The following HERC4 variants were observed in gnomAD, a reference collection of about 807,000 sequenced individuals.
HERC4 encodes HECT and RLD domain containing E3 ubiquitin protein ligase 4, also known as probable E3 ubiquitin-protein ligase HERC4.
Under a neutral mutation model 124.3 loss-of-function variants are expected in HERC4, and 28 were observed. The observed-to-expected ratio is 0.23, with a 90% CI of 0.17 to 0.31. HERC4 has a LOEUF of 0.31. HERC4 is among the 10% of genes least tolerant of loss of function. The pLI, the probability that HERC4 is intolerant of heterozygous loss-of-function variation, is 1.00. For missense variants in HERC4, 713 were observed against 1,229.3 expected (o/e 0.58, Z 6.28); for synonymous variants, 407 against 421.5 (o/e 0.97, Z 0.42).
chr10:67,934,339 AAAAG>A (rs1337629297), intron 22 of HERC4, among the ~76,000 whole-genome samples: 3 of 152,202 alleles, frequency 2.0e-5, no homozygotes, highest in Non-Finnish European at 4.4e-5. Context: ...CAACTTCTCC[AAAAG>A]AAATATCCAT....
intron 16 of HERC4, among the ~76,000 whole-genome samples, chr10:67,964,091 A>ATTT (rs11327388): frequency 0.013 from 1,719 of 129,186 alleles, 41 homozygotes; most frequent in Middle Eastern, 0.021. Context: ...CTACCACTCC[A>ATTT]TTTTTTTTTT....
At position 68,012,322 on chromosome 10, in the gene HERC4, A is replaced by G. The variant is rs554947753; in HGVS notation, c.1069+1704T>C. ...AACTGGCACAAGAAGCCTTGCTTTC[A>G]GCCTGTCTGGGCTTTTGATATGCCT... On this transcript the variant is annotated intron_variant, in intron 9 of 24. Transcript: ENST00000373700. Among the ~76,000 whole-genome samples the G allele has an allele frequency of 4.6e-5, 7 of 152,368 alleles. No homozygotes were observed. In the East Asian group the frequency reaches 1.3e-3, roughly 29 times the overall value.
chr10:67,941,669 CTT>C lies in HERC4; in HGVS notation c.2338-566_2338-565del, dbSNP rs755666986. The stretch of plus-strand genomic sequence containing the variant: ...CACTAAATGTTCTTCTAAAACACAA[CTT>C]TTTTTTTTTTTTTTTTTTTTTTTTT... On this transcript the variant is annotated intron_variant, in intron 19 of 24. Transcript: ENST00000373700. Among the ~76,000 whole-genome samples, 576 of 91,656 alleles carry C rather than the reference CTT, an allele frequency of 6.3e-3. 1 individual carries two copies. The highest frequency in any genetic ancestry group is 0.021 in the African/African-American group (531 of 24,744). 60.1% of individuals were successfully genotyped at this position (91,656 alleles called of 152,430 possible). A position where few individuals can be genotyped will look rare whatever the true frequency, so the allele number is the denominator to read the frequency against.
intron 3 of HERC4, among the ~76,000 whole-genome samples, chr10:68,045,633 C>T (rs996465685): frequency 6.6e-6 from 1 of 152,198 alleles, no homozygotes; most frequent in African/African-American, 2.4e-5. Flanking sequence ...ATTTGTTTCT[C>T]TTAGTCCTCA....
intron 23 of HERC4, among the ~76,000 whole-genome samples, chr10:67,929,064 A>G (rs889700878): frequency 8.6e-5 from 13 of 151,804 alleles, no homozygotes; most frequent in African/African-American, 3.1e-4. Flanking sequence ...TTGCATTTTT[A>G]TTTTTTGGTA....
chr10:68,071,989 G>C (rs1009998314), intron 3 of HERC4, among the ~76,000 whole-genome samples: 2 of 152,110 alleles, frequency 1.3e-5, no homozygotes, highest in Admixed American at 6.6e-5. Flanking sequence ...CTCAAAAGCT[G>C]AGTAACAACA....
intron 9 of HERC4, among the ~76,000 whole-genome samples, chr10:68,000,933 A>G (rs2037193405): frequency 6.6e-6 from 1 of 152,204 alleles, no homozygotes; most frequent in Non-Finnish European, 1.5e-5. Flanking sequence ...CAAGCCACCG[A>G]GTTTGTGGTA....
intron 8 of HERC4, among the ~76,000 whole-genome samples, chr10:68,021,383 C>G (rs1299259714): frequency 6.6e-6 from 1 of 152,066 alleles, no homozygotes; most frequent in African/African-American, 2.4e-5. Context: ...GAGGAAAAGA[C>G]ACACACAATC....
chr10:68,063,698 G>T (rs2041150149), intron 3 of HERC4, among the ~76,000 whole-genome samples: 1 of 152,336 alleles, frequency 6.6e-6, no homozygotes, highest in Admixed American at 6.5e-5. Flanking sequence ...AGCACTTTGG[G>T]AGGCCAAGGC....
intron 9 of HERC4, among the ~76,000 whole-genome samples, chr10:67,998,992 A>T (rs2037068410): frequency 6.6e-6 from 1 of 152,132 alleles, no homozygotes; most frequent in Admixed American, 6.6e-5. Context: ...CGGCCTCCCA[A>T]AATGCTGGGA....
intron 9 of HERC4, among the ~76,000 whole-genome samples, chr10:68,006,363 GTTTT>G (rs902812576): frequency 7.0e-6 from 1 of 142,458 alleles, no homozygotes; most frequent in Admixed American, 6.9e-5. Context: ...CAGCGTTTTT[GTTTT>G]TGTTTTTGTT....
intron 9 of HERC4, among the ~76,000 whole-genome samples, chr10:68,004,414 T>C (rs2037416719): frequency 6.6e-6 from 1 of 152,216 alleles, no homozygotes; most frequent in Non-Finnish European, 1.5e-5. Context: ...ATCCCATTTG[T>C]CCACTTTTGC....
chr10:67,922,831 T>C lies in HERC4; in HGVS notation c.*100A>G. 1.2e-6 allele frequency: 1 copy of C among 842,042 alleles called. No individual in the cohort carries two copies. Among genetic ancestry groups the C allele is most frequent in the Non-Finnish European group, 1.9e-6 (1 of 529,686 alleles). 52.2% of individuals were successfully genotyped at this position (842,042 alleles called of 1,614,324 possible). A position where few individuals can be genotyped will look rare whatever the true frequency, so the allele number is the denominator to read the frequency against. ...AGATTGAACATTCTGCAAGTAAGAA[T>C]TATAATAGTACCTCTGTCACCTTGC... On this transcript the variant is annotated 3_prime_UTR_variant, in exon 25 of 25. Transcript: ENST00000373700.
intron 3 of HERC4, among the ~76,000 whole-genome samples, chr10:68,063,193 T>A (rs1280397502): frequency 1.3e-5 from 2 of 152,124 alleles, no homozygotes; most frequent in Non-Finnish European, 2.9e-5. Context: ...AAGCTTGTCA[T>A]ACATTTTATT....
chr10:68,012,270 C>T (rs1177296128), intron 9 of HERC4, among the ~76,000 whole-genome samples: 2 of 152,184 alleles, frequency 1.3e-5, no homozygotes, highest in Non-Finnish European at 2.9e-5. Flanking sequence ...ACTTTTAATT[C>T]CTTTAAGTTG....
chr10:67,997,953 G>C (rs1380967924), intron 9 of HERC4, among the ~76,000 whole-genome samples: 1 of 152,064 alleles, frequency 6.6e-6, no homozygotes, highest in African/African-American at 2.4e-5. Context: ...CCAGGCTGGA[G>C]TGCAGTGGTG....
chr10:67,973,450 T>C (rs1037503339), intron 15 of HERC4, among the ~76,000 whole-genome samples: 3 of 152,260 alleles, frequency 2.0e-5, no homozygotes, highest in Non-Finnish European at 2.9e-5. Flanking sequence ...GTGTTCATCA[T>C]TGTATGCCAA....
At chr10:67,991,805 A>G (rs1322641492) in intron 11 of HERC4, among the ~76,000 whole-genome samples, 3 of 152,260 alleles carry the variant, frequency 2.0e-5, no homozygotes, top group Non-Finnish European at 4.4e-5. Context: ...TAAAATGGCT[A>G]CATTAAATAT....
rs375336418 is a variant in HERC4, at chr10:67,995,224, A to G, written c.1070-2542T>C. The G allele has an allele frequency of 1.1e-4, 48 of 455,000 alleles. No individual in the cohort carries two copies. The East Asian group carries it at 1.5e-3, about 15-fold the overall frequency. The allele number at this position is 455,000 out of a possible 1,614,324, so 28.2% of individuals were successfully genotyped here. A position where few individuals can be genotyped will look rare whatever the true frequency, so the allele number is the denominator to read the frequency against. On this transcript the variant is annotated intron_variant, in intron 9 of 24. Transcript: ENST00000373700. ...GGAGAGTAGTTCCATCAGGAAACACATAATTCCTTTGAGAAGAATTTTCAC... is the reference window on the plus strand; with the variant it reads ...GGAGAGTAGTTCCATCAGGAAACACGTAATTCCTTTGAGAAGAATTTTCAC...
Sources: allele counts gnomAD v4.1 joint callset (sites outside exome capture counted in the v4.1 genomes callset), GRCh38; gene constraint gnomAD v4.1.1; transcripts MANE v1.5; gene names NCBI Gene and HGNC (gene_info 2026-07-23, HGNC 2026-07-21).